Variants in LRRC66 observed in about 807,000 individuals in gnomAD.
LRRC66 encodes the protein leucine rich repeat containing 66.
A neutral mutation model predicts 24.6 loss-of-function variants in LRRC66; 29 were observed. The observed-to-expected ratio is 1.18, with a 90% CI of 0.88 to 1.61. The LOEUF is 1.61. Among genes scored for constraint, LRRC66 ranks in the 40% most tolerant of loss-of-function variants. The pLI is 0.00. For missense variants in LRRC66, 1,124 were observed against 1,058.0 expected, an observed-to-expected ratio of 1.06 and a Z score of -0.87; for synonymous variants, 411 against 397.6, an observed-to-expected ratio of 1.03 and a Z score of -0.40.
At position 51,995,825 on chromosome 4, in the gene LRRC66, A is replaced by T. The variant is rs773087715; in HGVS notation, c.1197T>A (p.Pro399=). Residue 399 remains proline (P), a synonymous_variant, in exon 5 of 5, where the codon CCT becomes CCA. Coordinates refer to ENST00000682860, the MANE Select transcript of LRRC66 (RefSeq NM_001024611.3). ...TTTTTTGCCACAGTCTGTCAACATA[A>T]GGCCTTGTGAAAGCCCCCAGGCTGA... The part of the protein sequence containing the change: ...VAFSLGAFTR[P]YVDRLWQKKC... 1.2e-6 allele frequency: 2 copies of T among 1,614,108 alleles called. No individual in the cohort carries two copies. Among genetic ancestry groups the T allele is most frequent in the South Asian group, 1.1e-5 (1 of 91,086 alleles).
At chr4:52,002,169 A>G (rs1284418321) in intron 3 of LRRC66, among the ~76,000 whole-genome samples, 1 of 152,222 alleles carries the variant, frequency 6.6e-6, no homozygotes, top group East Asian at 1.9e-4. Flanking sequence ...CTCATTAATA[A>G]TTTCTATATT....
chr4:51,994,639 CAG>C lies in LRRC66; in HGVS notation c.2381_2382del (p.Ser794Ter). ...GMYKTHLENA[S>X]DTDRSEGLSP... is the part of the protein sequence containing the mutation. Reference sequence around the variant, plus strand: ...GACAGGCCCTCAGATCTATCAGTGTCAGAGGCATTTTCCAGATGAGTCTTGTA... The same window carrying C: ...GACAGGCCCTCAGATCTATCAGTGTCAGGCATTTTCCAGATGAGTCTTGTA... On this transcript the variant is annotated frameshift_variant, in exon 5 of 5. Coordinates refer to ENST00000682860, the MANE Select transcript of LRRC66 (RefSeq NM_001024611.3). LOFTEE classifies it low-confidence loss of function (END_TRUNC). The C allele has an allele frequency of 6.2e-7, 1 of 1,613,778 alleles. No individual in the cohort carries two copies. The highest frequency in any genetic ancestry group is 1.7e-5 in the Admixed American group (1 of 60,012).
At position 52,003,298 on chromosome 4, in the gene LRRC66, C is replaced by T. The variant is rs781274718; in HGVS notation, c.591G>A (p.Leu197=). 1 of 1,613,760 alleles carries T rather than the reference C, an allele frequency of 6.2e-7. No individual in the cohort carries two copies. The highest frequency in any genetic ancestry group is 1.1e-5 in the South Asian group (1 of 91,054). The part of the protein sequence containing the change: ...GWSDFHNCLQ[L]ENLCLKSNKI... ...TGTTGCTCTTTAAACAGAGATTCTC[C>T]AGTTGCAGGCAGTTGTGAAAATCAG... Residue 197 remains leucine, a synonymous_variant, in exon 3 of 5, where the codon CTG becomes CTA. Transcript: ENST00000682860.
chr4:52,012,183 A>T (rs941231447), intron 2 of LRRC66, among the ~76,000 whole-genome samples: 2 of 151,978 alleles, frequency 1.3e-5, no homozygotes, highest in African/African-American at 2.4e-5. Context: ...GTGAGGCTCC[A>T]TCTAAAAACA....
chr4:51,997,802 A>C lies in LRRC66; in HGVS notation c.802T>G (p.Phe268Val), dbSNP rs1266310278. 1.9e-6 allele frequency: 3 copies of C among 1,614,112 alleles called. No homozygotes were observed. The South Asian group carries it at 3.3e-5, about 18-fold the overall frequency. The change falls in exon 4 of 5, where the codon TTT becomes GTT. Residue 268 changes from phenylalanine (F) to valine (V), a missense_variant. By Grantham distance (50) the Phe-to-Val change is conservative. Coordinates refer to ENST00000682860, the MANE Select transcript of LRRC66 (RefSeq NM_001024611.3). ...TTTTTCCTCCAGGATTCAGAAATAAAATTTTGAAAGACTGCCACACTATCA... is the reference window on the plus strand; with the variant it reads ...TTTTTCCTCCAGGATTCAGAAATAACATTTTGAAAGACTGCCACACTATCA... ...CDDSVAVFQNFISESWRKKWN... is the reference protein window; with the variant it reads ...CDDSVAVFQNVISESWRKKWN...
At chr4:51,998,583 T>C (rs1164911121) in intron 3 of LRRC66, among the ~76,000 whole-genome samples, 1 of 151,722 alleles carries the variant, frequency 6.6e-6, no homozygotes, top group Non-Finnish European at 1.5e-5. Context: ...ATCTCAAGAG[T>C]AGTAGTACAT....
At position 51,998,793 on chromosome 4, in the gene LRRC66, G is replaced by T. The variant is rs553211202; in HGVS notation, c.667-856C>A. On this transcript the variant is annotated intron_variant, in intron 3 of 4. Transcript: ENST00000682860. ...AGGAGCTTTAGCTGCCATTTGCCGAGCCCTGCTGGGTCCCAGACATGCTAC... is the reference window on the plus strand; with the variant it reads ...AGGAGCTTTAGCTGCCATTTGCCGATCCCTGCTGGGTCCCAGACATGCTAC... Among the ~76,000 whole-genome samples, 7 of 152,300 alleles carry T rather than the reference G, an allele frequency of 4.6e-5. No homozygotes were observed. The South Asian group carries it at 1.5e-3, about 32-fold the overall frequency.
At chr4:52,013,305 G>A (rs975025786) in intron 2 of LRRC66, among the ~76,000 whole-genome samples, 6 of 151,774 alleles carry the variant, frequency 4.0e-5, no homozygotes, top group Non-Finnish European at 7.4e-5. Context: ...TCAAATGTTA[G>A]GTATTATTTT....
intron 1 of LRRC66, chr4:52,018,527 A>T: frequency 2.0e-6 from 2 of 985,340 alleles, no homozygotes; most frequent in Non-Finnish European, 2.4e-6. Context: ...AGTTTTCATC[A>T]CTGCAGTCTG....
intron 1 of LRRC66, chr4:52,017,988 C>G (rs1736858717): frequency 4.1e-6 from 4 of 985,412 alleles, no homozygotes; most frequent in Non-Finnish European, 4.8e-6. Flanking sequence ...GCCATTAATA[C>G]AGAGCAAAGT....
intron 2 of LRRC66, among the ~76,000 whole-genome samples, chr4:52,012,501 T>G (rs1736726425): frequency 6.6e-6 from 1 of 151,922 alleles, no homozygotes. Context: ...CAGGATGGAG[T>G]TGGGAAATTT....
intron 1 of LRRC66, chr4:52,018,586 T>C: frequency 1.0e-6 from 1 of 985,426 alleles, no homozygotes; most frequent in Non-Finnish European, 1.2e-6. Context: ...CTCTTGACTT[T>C]CCTTCTTTGT....
chr4:51,998,445 T>C (rs1184981685), intron 3 of LRRC66, among the ~76,000 whole-genome samples: 1 of 152,172 alleles, frequency 6.6e-6, no homozygotes, highest in African/African-American at 2.4e-5. Context: ...AGATGAAATC[T>C]CACTATGTTG....
chr4:52,019,359 CAA>C (rs143733583), intron 1 of LRRC66, among the ~76,000 whole-genome samples: 2 of 146,876 alleles, frequency 1.4e-5, no homozygotes, highest in Non-Finnish European at 3.0e-5. Context: ...TCTGAACTCC[CAA>C]AAAAAAAAGG....
intron 1 of LRRC66, chr4:52,017,993 CAA>C: frequency 1.2e-5 from 12 of 985,364 alleles, no homozygotes; most frequent in Non-Finnish European, 1.4e-5. Context: ...TAATACAGAG[CAA>C]AGTCTATTAT....
At chr4:52,003,161 G>A (rs769892732) in intron 3 of LRRC66, 62 bp downstream of exon 3, 2 of 1,287,880 alleles carry the variant, frequency 1.6e-6, no homozygotes, top group Non-Finnish European at 2.2e-6. Flanking sequence ...ATAGAAATAT[G>A]CTTCTAATGT....
intron 1 of LRRC66, among the ~76,000 whole-genome samples, chr4:52,019,746 A>T (rs183669516): frequency 1.8e-3 from 271 of 152,336 alleles, no homozygotes; most frequent in Admixed American, 6.7e-3. Context: ...CAAAATCAGC[A>T]ACAAAAAAAT....
chr4:51,995,092 T>G lies in LRRC66; in HGVS notation c.1930A>C (p.Arg644=), dbSNP rs1736264232. The part of the protein sequence containing the change: ...SIQQPRLSGA[R]AEEALSAHYS... ...TGGGCTGAAAGCGCTTCCTCAGCCC[T>G]TGCCCCGGACAGCCTTGGCTGCTGT... Residue 644 remains arginine, a synonymous_variant, in exon 5 of 5, where the codon AGG becomes CGG. Transcript: ENST00000682860. 6.2e-7 allele frequency: 1 copy of G among 1,614,114 alleles called. No individual in the cohort carries two copies. The highest frequency in any genetic ancestry group is 8.5e-7 in the Non-Finnish European group (1 of 1,180,044).
At chr4:52,012,030 C>CA (rs1178414074) in intron 2 of LRRC66, among the ~76,000 whole-genome samples, 2 of 151,666 alleles carry the variant, frequency 1.3e-5, no homozygotes, top group Admixed American at 6.6e-5. Flanking sequence ...ACTAAAAATA[C>CA]AAAAAAATTA....
Sources: allele counts gnomAD v4.1 joint callset (sites outside exome capture counted in the v4.1 genomes callset), GRCh38; gene constraint gnomAD v4.1.1; transcripts MANE v1.5; gene names NCBI Gene and HGNC (gene_info 2026-07-23, HGNC 2026-07-21).